The following COL4A4 variants were observed in gnomAD, a reference collection of about 807,000 sequenced individuals.
The protein encoded by COL4A4 is collagen alpha-4(IV) chain.
In COL4A4, 105 loss-of-function variants were observed where a neutral mutation model predicts 192.9. The observed-to-expected ratio is 0.54, with a 90% confidence interval of 0.46 to 0.64. The LOEUF (loss-of-function observed/expected upper bound fraction) is 0.64, where lower values mean the gene tolerates loss of function less well. Among genes scored for constraint, COL4A4 ranks in the 30% least tolerant of loss-of-function variants. The probability of loss-of-function intolerance (pLI) is 0.00; values close to 1 mark genes in which losing one functional copy is unlikely to be tolerated. For synonymous variants in COL4A4, 762 were observed against 769.9 expected, an observed-to-expected ratio of 0.99 and a Z score of 0.17; for missense variants, 1,967 against 2,169.3, an observed-to-expected ratio of 0.91 and a Z score of 1.85.
chr2:227,101,416 A>G (rs924827378), intron 17 of COL4A4, 88 bp downstream of exon 17: 27 of 1,074,662 alleles, frequency 2.5e-5, no homozygotes, highest in Non-Finnish European at 3.2e-5. Flanking sequence ...TTCTTGAATG[A>G]TTCCTGGCAA....
intron 37 of COL4A4, among the ~76,000 whole-genome samples, chr2:227,037,040 C>T (rs1969826761): frequency 6.6e-6 from 1 of 152,068 alleles, no homozygotes; most frequent in Non-Finnish European, 1.5e-5. Context: ...TGGGTGTTCT[C>T]CTTTTAAAGG....
intron 16 of COL4A4, 132 bp from the exon 17 acceptor site, chr2:227,101,689 TCAGA>T (rs1490650547): frequency 1.1e-4 from 119 of 1,088,944 alleles, no homozygotes; most frequent in Middle Eastern, 2.0e-4. Flanking sequence ...ATCAGTTGCA[TCAGA>T]CAATCTTGTG....
At chr2:227,096,893 T>C (rs2060232652) in intron 19 of COL4A4, among the ~76,000 whole-genome samples, 2 of 152,354 alleles carry the variant, frequency 1.3e-5, no homozygotes, top group African/African-American at 4.8e-5. Flanking sequence ...ATACTGTAGA[T>C]AATTACCAAA....
intron 5 of COL4A4, among the ~76,000 whole-genome samples, chr2:227,120,640 A>G (rs1033078567): frequency 6.6e-6 from 1 of 152,142 alleles, no homozygotes; most frequent in Non-Finnish European, 1.5e-5. Flanking sequence ...ACTCGTGGTT[A>G]TAAAACTCCA....
At chr2:227,082,000 C>G in intron 23 of COL4A4, 115 bp downstream of exon 23, 1 of 958,108 alleles carries the variant, frequency 1.0e-6, no homozygotes, top group Admixed American at 1.7e-5. Context: ...TAAGTAATCT[C>G]AACCATCCTA....
intron 34 of COL4A4, among the ~76,000 whole-genome samples, chr2:227,048,671 C>T (rs1366138354): frequency 2.0e-5 from 3 of 152,140 alleles, no homozygotes; most frequent in East Asian, 3.9e-4. Context: ...ACATCTTTGA[C>T]TCCAGGTATT....
At chr2:227,034,783 T>C (rs904187164) in intron 37 of COL4A4, among the ~76,000 whole-genome samples, 1 of 139,342 alleles carries the variant, frequency 7.2e-6, no homozygotes, top group African/African-American at 2.7e-5. Flanking sequence ...GTTCTCATTG[T>C]TCAATTCCCA....
the COL4A4 span, among the ~76,000 whole-genome samples, chr2:226,979,626 A>G: frequency 8.5e-5 from 13 of 152,234 alleles, no homozygotes; most frequent in Non-Finnish European, 1.8e-4. Flanking sequence ...AAGACTCAGC[A>G]GGCTGGGTAC....
At chr2:227,040,562 CT>C (rs1337306057) in intron 37 of COL4A4, among the ~76,000 whole-genome samples, 2 of 135,124 alleles carry the variant, frequency 1.5e-5, no homozygotes, top group Middle Eastern at 3.5e-3. Context: ...AGAAAAAATA[CT>C]TTTTCTTTTT....
chr2:227,120,057 C>T, intron 5 of COL4A4, 118 bp from the exon 6 acceptor site: 1 of 686,134 alleles, frequency 1.5e-6, no homozygotes, highest in South Asian at 2.9e-5. Flanking sequence ...TCATTGTCAC[C>T]TATTTTTTAC....
intron 4 of COL4A4, among the ~76,000 whole-genome samples, chr2:227,126,731 C>T (rs538340992): frequency 6.6e-6 from 1 of 152,172 alleles, no homozygotes; most frequent in Non-Finnish European, 1.5e-5. Flanking sequence ...ACCAAAATTT[C>T]CCAAACACCA....
chr2:226,975,716 T>C, the COL4A4 span, among the ~76,000 whole-genome samples: 4 of 152,202 alleles, frequency 2.6e-5, no homozygotes, highest in African/African-American at 9.7e-5. Context: ...TCGACAATGA[T>C]TTGTACATAA....
rs1483793897 is a variant in COL4A4 at position 227,033,469 on chromosome 2, G to A, written c.3518C>T (p.Ser1173Leu). The A allele has an allele frequency of 1.7e-5, 27 of 1,613,192 alleles. No homozygotes were observed. Among genetic ancestry groups the A allele is most frequent in the Non-Finnish European group, 2.2e-5 (26 of 1,179,964 alleles). The part of the protein sequence containing the change: ...GPPGIKGPSG[S>L]PGLNGLHGLK... The stretch of plus-strand genomic sequence containing the variant: ...TCCATGCAAGCCGTTCAGGCCAGGT[G>A]ATCCGGAGGGACCTGAAAAACACCA... Residue 1173 changes from serine (S) to leucine (L), a missense_variant, in exon 38 of 48, where the codon TCA becomes TTA. Ser to Leu is a moderately radical substitution (Grantham distance 145). Coordinates refer to ENST00000396625, the MANE Select transcript of COL4A4 (RefSeq NM_000092.5).
Position 227,010,644 on chromosome 2 carries a change from GTACACAGC to G in COL4A4, c.4334-151_4334-144del, listed in dbSNP as rs1372070056. The G allele has an allele frequency of 6.0e-5, 36 of 599,832 alleles. No homozygotes were observed. The Admixed American group carries it at 1.1e-3, about 19-fold the overall frequency. 37.2% of individuals were successfully genotyped at this position (599,832 alleles called of 1,614,324 possible). On this transcript the variant is annotated intron_variant, in intron 45 of 47. Transcript: ENST00000396625. ...TCAGCCCCTCCTCGCCTTCTGGAACGTACACAGCTACACAGCTGCAGTACATAGAACAA... is the reference window on the plus strand; with the variant it reads ...TCAGCCCCTCCTCGCCTTCTGGAACGTACACAGCTGCAGTACATAGAACAA...
intron 25 of COL4A4, among the ~76,000 whole-genome samples, chr2:227,072,925 C>A (rs999036357): frequency 6.6e-6 from 1 of 151,918 alleles, no homozygotes; most frequent in Non-Finnish European, 1.5e-5. Context: ...TATGACAAAC[C>A]CACAGATAAC....
At position 227,052,607 on chromosome 2, in the gene COL4A4, T is replaced by C. The variant is rs3769642; in HGVS notation, c.2861-195A>G. 0.52 allele frequency among the ~76,000 whole-genome samples: 78,725 copies of C among 152,070 alleles called. 20,571 individuals are homozygous for C. Among genetic ancestry groups the C allele is most frequent in the South Asian group, 0.63 (3,035 of 4,818 alleles). On this transcript the variant is annotated intron_variant, in intron 31 of 47. Transcript: ENST00000396625. ...GTCATCTTTTACGTTCCTGACCCCA[T>C]TTGTCCAGCCACAGAGTCTGGTGTG...
At position 227,123,496 on chromosome 2, in the gene COL4A4, G is replaced by A. The variant is rs1349558635; in HGVS notation, c.193-2348C>T. On this transcript the variant is annotated intron_variant, in intron 4 of 47. Transcript: ENST00000396625. This position sits in a 1 kb window ranked among gnomAD's most constrained non-coding sequence, Gnocchi z 4.6. ...CAGAGCGCGACCCACGGAAGTGAAG[G>A]CAGCCAAGAAAGGGGCAGTTTCAGG... Among the ~76,000 whole-genome samples, 1 of 152,200 alleles carries A rather than the reference G, an allele frequency of 6.6e-6. No individual in the cohort carries two copies. Among genetic ancestry groups the A allele is most frequent in the East Asian group, 1.9e-4 (1 of 5,194 alleles).
chr2:227,081,080 G>A (rs2059299709), intron 23 of COL4A4, among the ~76,000 whole-genome samples: 1 of 152,142 alleles, frequency 6.6e-6, no homozygotes, highest in Non-Finnish European at 1.5e-5. Flanking sequence ...CTGGAGGCCG[G>A]GATCTGGTTG....
chr2:226,998,555 T>C (rs1034856411), downstream of COL4A4: 1 of 152,234 alleles, frequency 6.6e-6, no homozygotes, highest in Admixed American at 6.5e-5. Flanking sequence ...CCATGAATCA[T>C]TGCAGTCATT....
Sources: allele counts gnomAD v4.1 joint callset (sites outside exome capture counted in the v4.1 genomes callset), GRCh38; gene constraint gnomAD v4.1.1; non-coding constraint Gnocchi (gnomAD v3.1); transcripts MANE v1.5; gene names NCBI Gene and HGNC (gene_info 2026-07-23, HGNC 2026-07-21).